Variants in NHS observed in about 807,000 individuals in gnomAD.
NHS encodes actin remodeling regulator NHS.
Under a neutral mutation model 72.5 loss-of-function variants are expected in NHS, and 5 were observed. The ratio of observed to expected loss-of-function variants is 0.07; its 90% CI spans 0.04 to 0.14. The LOEUF (loss-of-function observed/expected upper bound fraction) is 0.14. Ranked by LOEUF, NHS falls within the 10% of genes least tolerant of loss-of-function variation. NHS has a pLI of 1.00. For synonymous variants in NHS, 464 were observed against 547.7 expected, an observed-to-expected ratio of 0.85 and a Z score of 2.13; for missense variants, 1,072 against 1,355.7, an observed-to-expected ratio of 0.79 and a Z score of 3.29.
At chrX:17,549,182 C>T (rs1378235091) in intron 1 of NHS, among the ~76,000 whole-genome samples, 1 of 65,082 alleles carries the variant, frequency 1.5e-5, no homozygotes, top group Non-Finnish European at 2.8e-5. Flanking sequence ...TGCACATTAG[C>T]ATCAGAAAAA....
rs746176955 is a variant in NHS, at chrX:17,727,934, G to C, written c.3828G>C (p.Arg1276Ser). 1.3e-5 allele frequency: 16 copies of C among 1,211,344 alleles called. No homozygotes were observed. The Admixed American group carries it at 3.5e-4, about 26-fold the overall frequency. Residue 1276 changes from arginine (R) to serine (S), a missense_variant, in exon 7 of 9, where the codon AGG (arginine) becomes AGC (serine). Physicochemically the swap from Arg to Ser is moderately radical, Grantham distance 110 (BLOSUM62 -1). Coordinates refer to ENST00000676302, the MANE Select transcript of NHS (RefSeq NM_001291867.2). ...CTTTTCCCACAGAAGGATTTCAGAG[G>C]GTCTCTGCTGCCCGCCCAAATGATT... ...NCAFPTEGFQ[R>S]VSAARPNDLD...
chrX:17,567,732 G>A (rs188515036), intron 1 of NHS, among the ~76,000 whole-genome samples: 309 of 108,909 alleles, frequency 2.8e-3, no homozygotes, highest in Non-Finnish European at 4.7e-3. Flanking sequence ...GGGAGAAGGA[G>A]AAGAAGAGAG....
At chrX:17,567,674 GAGA>G (rs1448760605) in intron 1 of NHS, among the ~76,000 whole-genome samples, 5 of 109,772 alleles carry the variant, frequency 4.6e-5, no homozygotes, top group Admixed American at 9.8e-5. Context: ...GTGGAGCAGG[GAGA>G]AGAAGAGAGA....
intron 1 of NHS, among the ~76,000 whole-genome samples, chrX:17,437,435 G>T (rs2146880082): frequency 9.0e-6 from 1 of 111,603 alleles, no homozygotes; most frequent in East Asian, 2.8e-4. Flanking sequence ...CTTACCATTT[G>T]TTCTCCTTCC....
chrX:17,681,834 C>A (rs745718641), intron 1 of NHS, among the ~76,000 whole-genome samples: 7 of 111,907 alleles, frequency 6.3e-5, no homozygotes, highest in Non-Finnish European at 9.4e-5. Flanking sequence ...CAAATAAACA[C>A]ACAGATATGT....
chrX:17,471,555 G>C (rs2064892617), intron 1 of NHS, among the ~76,000 whole-genome samples: 1 of 112,815 alleles, frequency 8.9e-6, no homozygotes, highest in South Asian at 3.6e-4. Flanking sequence ...TATGATTGCT[G>C]TTATAGTATC....
chrX:17,536,889 C>G (rs939131004), intron 1 of NHS, among the ~76,000 whole-genome samples: 3 of 111,898 alleles, frequency 2.7e-5, no homozygotes, highest in Admixed American at 9.5e-5. Flanking sequence ...TATTTGAAGA[C>G]CATGCTACCA....
chrX:17,653,628 G>C (rs1161348888), intron 1 of NHS, among the ~76,000 whole-genome samples: 2 of 111,453 alleles, frequency 1.8e-5, no homozygotes, highest in Admixed American at 9.5e-5. Flanking sequence ...TCCCGTGATA[G>C]AGCAGACCTG....
chrX:17,539,557 C>A (rs756596245), intron 1 of NHS, among the ~76,000 whole-genome samples: 1 of 110,438 alleles, frequency 9.1e-6, no homozygotes, highest in South Asian at 3.9e-4. Flanking sequence ...AACATGTTTT[C>A]TCTTTTTCCT....
intron 1 of NHS, among the ~76,000 whole-genome samples, chrX:17,523,164 G>A (rs2065158264): frequency 8.9e-6 from 1 of 112,240 alleles, no homozygotes; most frequent in African/African-American, 3.2e-5. Context: ...AATATGGTGA[G>A]TAGGGGTGGT....
intron 1 of NHS, among the ~76,000 whole-genome samples, chrX:17,449,187 A>G (rs956615552): frequency 2.6e-5 from 3 of 113,480 alleles, no homozygotes; most frequent in African/African-American, 9.6e-5. Context: ...CTTGCTCCAG[A>G]TAAAGCTGAA....
At chrX:17,623,648 CT>C (rs2065785240) in intron 1 of NHS, among the ~76,000 whole-genome samples, 1 of 111,737 alleles carries the variant, frequency 8.9e-6, no homozygotes. Context: ...TGACAGGAAC[CT>C]AGGGTATTGG....
intron 1 of NHS, among the ~76,000 whole-genome samples, chrX:17,618,231 A>G (rs1321588470): frequency 8.9e-6 from 1 of 112,028 alleles, no homozygotes; most frequent in Non-Finnish European, 1.9e-5. Flanking sequence ...AGTACTCAGT[A>G]TATTTAATCA....
rs1161424223 is a variant in NHS at position 17,726,251 on chromosome X, C to T, written c.2145C>T (p.Asn715=). ...TVADLLDDPN[N]SNTSDSEWNY... is the part of the protein sequence containing the mutation. ...CAGACCTGCTGGATGATCCCAACAA[C>T]AGCAACACAAGTGACAGTGAGTGGA... Residue 715 remains asparagine (N), a synonymous_variant, in exon 7 of 9, where the codon AAC becomes AAT. Coordinates refer to ENST00000676302, the MANE Select transcript of NHS (RefSeq NM_001291867.2). 17 of 1,210,425 alleles carry T rather than the reference C, an allele frequency of 1.4e-5. No individual in the cohort carries two copies. Among genetic ancestry groups the T allele is most frequent in the African/African-American group, 1.7e-5 (1 of 57,253 alleles).
intron 1 of NHS, among the ~76,000 whole-genome samples, chrX:17,620,239 A>C (rs1461195818): frequency 3.6e-5 from 4 of 111,876 alleles, no homozygotes; most frequent in Admixed American, 9.5e-5. Flanking sequence ...ATTAGAAACA[A>C]GGGCAGAATC....
At chrX:17,720,141 G>A (rs906034202) in intron 4 of NHS, among the ~76,000 whole-genome samples, 5 of 111,928 alleles carry the variant, frequency 4.5e-5, no homozygotes, top group African/African-American at 1.6e-4. Context: ...TTACTAAAAC[G>A]TTCATGACGA....
intron 8 of NHS, 23 bp from the exon 9 acceptor site, chrX:17,731,835 C>A: frequency 8.5e-7 from 1 of 1,169,974 alleles, no homozygotes; most frequent in South Asian, 2.0e-5. Flanking sequence ...AGATGTTTGC[C>A]CCATTTTCTC....
chrX:17,610,674 G>A (rs1429581341), intron 1 of NHS, among the ~76,000 whole-genome samples: 1 of 112,317 alleles, frequency 8.9e-6, no homozygotes, highest in African/African-American at 3.2e-5. Context: ...AGTTTTGCTT[G>A]TTCCTATTGG....
intron 3 of NHS, among the ~76,000 whole-genome samples, chrX:17,694,129 T>C (rs886084073): frequency 6.2e-5 from 7 of 112,024 alleles, no homozygotes; most frequent in Non-Finnish European, 1.1e-4. Flanking sequence ...AAATGACGAA[T>C]AGCAACGAGA....
Sources: allele counts gnomAD v4.1 joint callset (sites outside exome capture counted in the v4.1 genomes callset), GRCh38; gene constraint gnomAD v4.1.1; transcripts MANE v1.5; gene names NCBI Gene and HGNC (gene_info 2026-07-23, HGNC 2026-07-21).